GABRP: variants seen among roughly 807,000 people sequenced by gnomAD.
GABRP encodes the protein gamma-aminobutyric acid type A receptor subunit pi, also known as gamma-aminobutyric acid receptor subunit pi.
Under a neutral mutation model 47.8 loss-of-function variants are expected in GABRP, and 52 were observed. That is an observed-to-expected ratio of 1.09 (90% CI 0.87 to 1.37). The LOEUF (loss-of-function observed/expected upper bound fraction) is 1.37, where lower values mean the gene tolerates loss of function less well. GABRP is among the 40% of genes most tolerant of loss of function. GABRP has a pLI of 0.00. For synonymous variants in GABRP, 221 were observed against 205.8 expected, an observed-to-expected ratio of 1.07 and a Z score of -0.63; for missense variants, 525 against 542.8, an observed-to-expected ratio of 0.97 and a Z score of 0.33.
intron 1 of GABRP, chr5:170,788,068 G>C (rs1217891010): frequency 6.6e-6 from 1 of 152,258 alleles, no homozygotes; most frequent in Non-Finnish European, 1.5e-5. Flanking sequence ...ACATAATCCT[G>C]GTCCAGGCAT....
At position 170,788,492 on chromosome 5, in the gene GABRP, C is replaced by T. The variant is rs970519151; in HGVS notation, c.-42-82C>T. On this transcript the variant is annotated intron_variant, in intron 1 of 9. Coordinates refer to ENST00000265294, the MANE Select transcript of GABRP (RefSeq NM_014211.3). The stretch of plus-strand genomic sequence containing the variant: ...GCATGCTGAGAAAATGCTGTACCGA[C>T]CACCCACCAGAGAGAGAGGCTGGCC... 6.6e-6 allele frequency: 6 copies of T among 904,236 alleles called. No individual in the cohort carries two copies. In the Admixed American group the frequency reaches 1.1e-4, roughly 16 times the overall value. 56.0% of individuals were successfully genotyped at this position (904,236 alleles called of 1,614,324 possible).
intron 1 of GABRP, among the ~76,000 whole-genome samples, chr5:170,786,754 G>A (rs1216476895): frequency 2.6e-5 from 4 of 152,110 alleles, no homozygotes; most frequent in East Asian, 1.9e-4. Context: ...CTAGATATGC[G>A]TGGCACAGTT....
intron 6 of GABRP, among the ~76,000 whole-genome samples, chr5:170,798,770 ATTTCTTT>A (rs1369525446): frequency 6.7e-6 from 1 of 148,728 alleles, no homozygotes; most frequent in Non-Finnish European, 1.5e-5. Flanking sequence ...ACTTTATTTT[ATTTCTTT>A]TTTCATTTTT....
chr5:170,783,483 C>T (rs550927925), upstream of GABRP, among the ~76,000 whole-genome samples: 1 of 152,216 alleles, frequency 6.6e-6, no homozygotes, highest in South Asian at 2.1e-4. Context: ...CTCATGGGTC[C>T]TTGATCTCAG....
At chr5:170,786,363 A>T (rs1765132036) in intron 1 of GABRP, among the ~76,000 whole-genome samples, 1 of 152,218 alleles carries the variant, frequency 6.6e-6, no homozygotes, top group Non-Finnish European at 1.5e-5. Context: ...CATAACAGAG[A>T]GCAGAATGAT....
At chr5:170,807,770 G>A (rs1173173314) in intron 7 of GABRP, among the ~76,000 whole-genome samples, 4 of 152,104 alleles carry the variant, frequency 2.6e-5, no homozygotes, top group African/African-American at 7.2e-5. Flanking sequence ...TATGTCTGTT[G>A]TTTTTTTAAT....
At chr5:170,788,305 T>C (rs1394286175) in intron 1 of GABRP, 2 of 248,274 alleles carry the variant, frequency 8.1e-6, no homozygotes, top group South Asian at 1.1e-4. Context: ...ACCGAGATCA[T>C]GTCCCTGCAC....
chr5:170,801,550 G>T lies in GABRP; in HGVS notation c.541+4002G>T, dbSNP rs538218964. On this transcript the variant is annotated intron_variant, in intron 6 of 9. Transcript: ENST00000265294. ...TTACCTAGGACCAAGACCAGTGTTT[G>T]TCCTTTCCTGTGTCTGCTAAGGAAA... 3.3e-5 allele frequency among the ~76,000 whole-genome samples: 5 copies of T among 152,254 alleles called. No homozygotes were observed. In the South Asian group the frequency reaches 1.0e-3, roughly 32 times the overall value.
chr5:170,789,120 CT>C lies in GABRP; in HGVS notation c.54-5del. On this transcript the variant is annotated splice_polypyrimidine_tract_variant and splice_region_variant and intron_variant, in intron 2 of 9. Coordinates refer to ENST00000265294, the MANE Select transcript of GABRP (RefSeq NM_014211.3). ...CAAGCAAACACAACAAAGCCCATTT[CT>C]TTTCCAGGATGTGCATCCAGGGGAG... 6.2e-7 allele frequency: 1 copy of C among 1,607,374 alleles called. No individual in the cohort carries two copies. Among genetic ancestry groups the C allele is most frequent in the African/African-American group, 1.3e-5 (1 of 74,916 alleles).
chr5:170,805,765 C>T lies in GABRP; in HGVS notation c.591C>T (p.Asp197=). Residue 197 remains aspartate, a synonymous_variant, in exon 7 of 10, where the codon GAC becomes GAT. Coordinates refer to ENST00000265294, the MANE Select transcript of GABRP (RefSeq NM_014211.3). ...AGTTCACCTGGCTGAGAGGGAACGA[C>T]TCTGTGCGTGGACTGGAACACCTGC... ...DVEFTWLRGN[D]SVRGLEHLRL... is the part of the protein sequence containing the mutation. 6.2e-7 allele frequency: 1 copy of T among 1,614,194 alleles called. No individual in the cohort carries two copies.
intron 1 of GABRP, among the ~76,000 whole-genome samples, chr5:170,784,293 C>A (rs777372648): frequency 2.0e-5 from 3 of 151,866 alleles, no homozygotes; most frequent in Admixed American, 6.6e-5. Flanking sequence ...CTGGAGGTGA[C>A]AAGTTGGGGT....
intron 3 of GABRP, among the ~76,000 whole-genome samples, chr5:170,793,728 A>G (rs1765342708): frequency 6.6e-6 from 1 of 152,196 alleles, no homozygotes; most frequent in South Asian, 2.1e-4. Context: ...ATGTCTTAGC[A>G]CTATGTTCCT....
upstream of GABRP, among the ~76,000 whole-genome samples, chr5:170,783,529 A>C (rs1765055426): frequency 6.6e-6 from 1 of 151,410 alleles, no homozygotes; most frequent in African/African-American, 2.4e-5. Flanking sequence ...AGCATGACTG[A>C]GACATGATCT....
At chr5:170,805,554 A>AT (rs1765709074) in intron 6 of GABRP, among the ~76,000 whole-genome samples, 162 bp from the exon 7 acceptor site, 1 of 152,204 alleles carries the variant, frequency 6.6e-6, no homozygotes, top group Non-Finnish European at 1.5e-5. Flanking sequence ...AGACATTGCA[A>AT]TTGCACTTGG....
At chr5:170,809,497 G>A in intron 8 of GABRP, 71 bp from the exon 9 acceptor site, 1 of 1,477,356 alleles carries the variant, frequency 6.8e-7, no homozygotes, top group Non-Finnish European at 9.4e-7. Flanking sequence ...CTCAAATGGG[G>A]ACACTCTGCC....
chr5:170,796,462 AAAT>A (rs1294141362), intron 5 of GABRP, among the ~76,000 whole-genome samples: 1 of 152,232 alleles, frequency 6.6e-6, no homozygotes, highest in Non-Finnish European at 1.5e-5. Context: ...TAAGGATTAC[AAAT>A]AATGAGTGAT....
intron 3 of GABRP, among the ~76,000 whole-genome samples, chr5:170,789,928 T>C (rs1765223849): frequency 6.6e-6 from 1 of 152,204 alleles, no homozygotes; most frequent in South Asian, 2.1e-4. Context: ...GAGCAAACGC[T>C]GCCTTCTCTG....
In GABRP at chr5:170,805,606, T is replaced by G. The variant is rs1259167086; in HGVS notation, c.542-110T>G. 3.4e-5 allele frequency: 41 copies of G among 1,214,372 alleles called. No individual in the cohort carries two copies. In the South Asian group the frequency reaches 6.0e-4, roughly 18 times the overall value. 75.2% of individuals were successfully genotyped at this position (1,214,372 alleles called of 1,614,324 possible). On this transcript the variant is annotated intron_variant, in intron 6 of 9. Transcript: ENST00000265294. ...CTGCATGGGATTGTCCTTGGACTTA[T>G]CACTATGAAGAAAGAACTCATGCTG...
At chr5:170,786,929 C>T (rs1476074112) in intron 1 of GABRP, among the ~76,000 whole-genome samples, 1 of 151,926 alleles carries the variant, frequency 6.6e-6, no homozygotes. Context: ...CAACTGTTAT[C>T]GGTAGTTATT....
Sources: allele counts gnomAD v4.1 joint callset (sites outside exome capture counted in the v4.1 genomes callset), GRCh38; gene constraint gnomAD v4.1.1; transcripts MANE v1.5; gene names NCBI Gene and HGNC (gene_info 2026-07-23, HGNC 2026-07-21).